OSBPL10: variants seen among roughly 807,000 people sequenced by gnomAD.
The protein encoded by OSBPL10 is oxysterol binding protein like 10, also known as oxysterol-binding protein-related protein 10.
OSBPL10 carries 49 observed loss-of-function variants against 81.7 expected under a neutral mutation model. That is an observed-to-expected ratio of 0.60 (90% CI 0.48 to 0.76). OSBPL10 has a LOEUF of 0.76. OSBPL10 is among the 30% of genes least tolerant of loss of function. The pLI is 0.00. For missense variants in OSBPL10, 923 were observed against 987.8 expected, an observed-to-expected ratio of 0.93 and a Z score of 0.88; for synonymous variants, 419 against 383.6, an observed-to-expected ratio of 1.09 and a Z score of -1.08.
chr3:32,072,874 T>G (rs1041870662), intron 1 of OSBPL10, among the ~76,000 whole-genome samples: 1 of 152,140 alleles, frequency 6.6e-6, no homozygotes, highest in African/African-American at 2.4e-5. Flanking sequence ...TCAGACATAA[T>G]TCCTCAGTTT....
At chr3:31,727,845 AATG>A (rs1383057590) in intron 6 of OSBPL10, among the ~76,000 whole-genome samples, 1 of 152,222 alleles carries the variant, frequency 6.6e-6, no homozygotes, top group Non-Finnish European at 1.5e-5. Context: ...AATTTAAAAA[AATG>A]ATAAAAATGT....
At position 31,989,201 on chromosome 3, in the gene OSBPL10, T is replaced by C. The variant is rs780431038; in HGVS notation, n.298+57290A>G. 8 of 1,614,184 alleles carry C rather than the reference T, an allele frequency of 5.0e-6. No individual in the cohort carries two copies. Among genetic ancestry groups the C allele is most frequent in the Middle Eastern group, 1.6e-4 (1 of 6,062 alleles). Reference sequence around the variant, plus strand: ...TTCTCTTTGGAGGAGTGGAAATGCCTGGACCCTACGCAGAGGGCTTTATAC... The same window carrying C: ...TTCTCTTTGGAGGAGTGGAAATGCCCGGACCCTACGCAGAGGGCTTTATAC... On this transcript the variant is annotated intron_variant and non_coding_transcript_variant, in intron 2 of 3. Transcript: ENST00000479173.
intron 2 of OSBPL10, among the ~76,000 whole-genome samples, chr3:32,009,749 A>G (rs1246081154): frequency 1.3e-5 from 2 of 152,216 alleles, no homozygotes; most frequent in Admixed American, 6.5e-5. Flanking sequence ...CTTGGGCCCA[A>G]GTTTCAATAA....
intron 1 of OSBPL10, chr3:31,969,419 G>C (rs1698490536): frequency 6.6e-6 from 1 of 152,296 alleles, no homozygotes; most frequent in African/African-American, 2.4e-5. Flanking sequence ...GGAACAGTTA[G>C]GGTTTTGGAA....
chr3:32,038,632 A>T (rs375228989), intron 2 of OSBPL10, among the ~76,000 whole-genome samples: 3 of 152,134 alleles, frequency 2.0e-5, no homozygotes, highest in African/African-American at 7.2e-5. Context: ...AGAAAAAGCA[A>T]ATTTATAGAT....
chr3:31,729,385 T>C (rs1403770911), intron 6 of OSBPL10, among the ~76,000 whole-genome samples: 11 of 152,084 alleles, frequency 7.2e-5, no homozygotes, highest in Non-Finnish European at 1.6e-4. Context: ...GTAGAATTAT[T>C]AAAAAGGCTG....
At chr3:31,734,713 T>G (rs1307265846) in intron 5 of OSBPL10, among the ~76,000 whole-genome samples, 1 of 152,130 alleles carries the variant, frequency 6.6e-6, no homozygotes, top group Admixed American at 6.5e-5. Context: ...ACTCCAGCCT[T>G]GGTGACAATG....
At chr3:31,801,414 T>G (rs1433125862) in intron 4 of OSBPL10, among the ~76,000 whole-genome samples, 1 of 152,214 alleles carries the variant, frequency 6.6e-6, no homozygotes, top group African/African-American at 2.4e-5. Flanking sequence ...CTGTAACCCT[T>G]GCCCCAACAG....
chr3:31,693,613 T>TG (rs1343685621), intron 7 of OSBPL10, among the ~76,000 whole-genome samples: 1 of 152,208 alleles, frequency 6.6e-6, no homozygotes, highest in Non-Finnish European at 1.5e-5. Flanking sequence ...AATCTTCACT[T>TG]GCTTTGACAA....
chr3:31,964,768 C>T (rs1431859451), intron 1 of OSBPL10, among the ~76,000 whole-genome samples: 1 of 152,124 alleles, frequency 6.6e-6, no homozygotes, highest in Non-Finnish European at 1.5e-5. Context: ...TCTCATGGCT[C>T]ATCATTTAAC....
At chr3:31,698,618 C>T (rs1695801044) in intron 7 of OSBPL10, among the ~76,000 whole-genome samples, 1 of 152,122 alleles carries the variant, frequency 6.6e-6, no homozygotes, top group African/African-American at 2.4e-5. Flanking sequence ...CTGCCAATCC[C>T]ACTCAATTCA....
intron 1 of OSBPL10, among the ~76,000 whole-genome samples, chr3:31,977,891 G>C (rs112683170): frequency 5.9e-5 from 9 of 152,288 alleles, no homozygotes; most frequent in African/African-American, 2.2e-4. Flanking sequence ...CATCCAGTGA[G>C]TGTGAGCCAA....
chr3:31,813,854 C>A (rs1277589932), intron 4 of OSBPL10, among the ~76,000 whole-genome samples: 1 of 152,100 alleles, frequency 6.6e-6, no homozygotes, highest in East Asian at 1.9e-4. Context: ...TTCAGGGCAA[C>A]ATGTTGGCAT....
intron 4 of OSBPL10, among the ~76,000 whole-genome samples, chr3:31,809,869 C>T (rs375016198): frequency 6.9e-4 from 68 of 98,596 alleles, no homozygotes; most frequent in South Asian, 5.7e-3. Flanking sequence ...CCCCCTGACT[C>T]TTTTTTTTTT....
intron 4 of OSBPL10, among the ~76,000 whole-genome samples, chr3:31,820,080 G>C (rs990709837): frequency 6.6e-6 from 1 of 152,038 alleles, no homozygotes; most frequent in African/African-American, 2.4e-5. Context: ...ACCTCTCTTT[G>C]CCTTAACCTC....
chr3:31,885,098 A>G (rs1695696371), intron 1 of OSBPL10, among the ~76,000 whole-genome samples: 1 of 152,166 alleles, frequency 6.6e-6, no homozygotes, highest in Non-Finnish European at 1.5e-5. Context: ...AGGACAAGCC[A>G]TTGCCTACTA....
chr3:32,044,205 C>T (rs9830065), intron 2 of OSBPL10, among the ~76,000 whole-genome samples: 5,861 of 152,014 alleles, frequency 0.039, 380 homozygotes, highest in African/African-American at 0.13. Flanking sequence ...AGTCAATATA[C>T]AAAATATATT....
chr3:31,740,219 T>C (rs998685544), intron 5 of OSBPL10, among the ~76,000 whole-genome samples: 1 of 152,044 alleles, frequency 6.6e-6, no homozygotes, highest in Non-Finnish European at 1.5e-5. Flanking sequence ...AATTTTGTAT[T>C]CTTTTTGGAG....
At chr3:31,914,947 T>C (rs898632176) in intron 1 of OSBPL10, among the ~76,000 whole-genome samples, 1 of 152,038 alleles carries the variant, frequency 6.6e-6, no homozygotes, top group Non-Finnish European at 1.5e-5. Flanking sequence ...ATGTGTCTAT[T>C]GTGTTTTGTT....
Sources: allele counts gnomAD v4.1 joint callset (sites outside exome capture counted in the v4.1 genomes callset), GRCh38; gene constraint gnomAD v4.1.1; transcripts MANE v1.5; gene names NCBI Gene and HGNC (gene_info 2026-07-23, HGNC 2026-07-21).